Variants in ZNF69 observed in about 807,000 individuals in gnomAD.
The protein encoded by ZNF69 is zinc finger protein 69, also known as ZNF3.
Under a neutral mutation model 50.9 loss-of-function variants are expected in ZNF69, and 47 were observed. That is an observed-to-expected ratio of 0.92 (90% confidence interval 0.73 to 1.18). The LOEUF (loss-of-function observed/expected upper bound fraction) is 1.18. ZNF69 is among the 50% of genes most tolerant of loss of function. The probability of loss-of-function intolerance (pLI) is 0.00; values close to 1 mark genes in which losing one functional copy is unlikely to be tolerated. For missense variants in ZNF69, 717 were observed against 675.1 expected (o/e 1.06, Z -0.69); for synonymous variants, 216 against 223.1 (o/e 0.97, Z 0.29).
chr19:11,978,291 A>G, the ZNF69 span: 3 of 1,614,188 alleles, frequency 1.9e-6, no homozygotes, highest in East Asian at 2.2e-5. Context: ...ATCTTTTAAT[A>G]TGAACATCAG....
At position 11,905,836 on chromosome 19, in the gene ZNF69, G is replaced by A. The variant is rs190294264; in HGVS notation, c.1439G>A (p.Cys480Tyr). The A allele has an allele frequency of 1.5e-4, 237 of 1,613,976 alleles. 1 individual carries two copies. The highest frequency in any genetic ancestry group is 1.7e-4 in the Non-Finnish European group (203 of 1,179,996). The change falls in exon 4 of 4, where the codon TGT (cysteine) becomes TAT (tyrosine). Residue 480 changes from cysteine (C) to tyrosine (Y), a missense_variant. Cys to Tyr is a radical substitution (Grantham distance 194). Transcript: ENST00000429654. ...RIHSGERPYK[C>Y]KLCGKGFYCP... ...CACTCTGGAGAAAGACCTTATAAAT[G>A]TAAGCTATGTGGGAAAGGCTTTTAT...
intron 1 of ZNF69, among the ~76,000 whole-genome samples, chr19:11,892,480 C>T (rs1388601178): frequency 2.6e-5 from 4 of 151,906 alleles, no homozygotes; most frequent in Non-Finnish European, 4.4e-5. Flanking sequence ...AAGAGGGGCC[C>T]AGTGGGATGG....
the ZNF69 span, among the ~76,000 whole-genome samples, chr19:11,945,898 C>T: frequency 1.3e-4 from 20 of 152,188 alleles, no homozygotes; most frequent in Non-Finnish European, 8.8e-5. Context: ...CCCTATAGTA[C>T]AAGTGCAGGG....
the ZNF69 span, among the ~76,000 whole-genome samples, chr19:11,938,982 A>G: frequency 1.5e-4 from 23 of 152,268 alleles, no homozygotes; most frequent in African/African-American, 5.1e-4. Context: ...GCCAGTGATG[A>G]TGAGCATTTT....
rs1280377515 is a variant in ZNF69 at position 11,903,565 on chromosome 19, T to A, written c.64-8T>A. On this transcript the variant is annotated splice_region_variant and splice_polypyrimidine_tract_variant and intron_variant, in intron 1 of 3. Transcript: ENST00000429654. The stretch of plus-strand genomic sequence containing the variant: ...CCCATCCTCCTCTACACATGTGAGA[T>A]GTTTCAGGACCCAGTGGCCTTTGAT... The A allele has an allele frequency of 2.9e-5, 46 of 1,613,830 alleles. No homozygotes were observed. The Admixed American group carries it at 7.7e-4, about 27-fold the overall frequency.
At chr19:11,965,831 A>G in the ZNF69 span, among the ~76,000 whole-genome samples, 1 of 152,184 alleles carries the variant, frequency 6.6e-6, no homozygotes, top group Non-Finnish European at 1.5e-5. Context: ...GGTTTTATTC[A>G]TTTCAGAGAG....
the ZNF69 span, among the ~76,000 whole-genome samples, chr19:11,959,889 A>T: frequency 2.0e-5 from 3 of 151,980 alleles, no homozygotes; most frequent in Non-Finnish European, 4.4e-5. Context: ...TTTGTTGCCC[A>T]TCTACTCTTA....
chr19:11,943,844 C>T, the ZNF69 span, among the ~76,000 whole-genome samples: 1 of 152,210 alleles, frequency 6.6e-6, no homozygotes. Context: ...TGAGTTTCCT[C>T]ATGCTTTGGC....
At chr19:11,935,081 C>G in the ZNF69 span, among the ~76,000 whole-genome samples, 3 of 140,632 alleles carry the variant, frequency 2.1e-5, no homozygotes, top group African/African-American at 8.8e-5. Flanking sequence ...GAGGCTGAGG[C>G]AGGAGAATGG....
chr19:11,975,108 T>C, the ZNF69 span, among the ~76,000 whole-genome samples: 1 of 152,020 alleles, frequency 6.6e-6, no homozygotes, highest in South Asian at 2.1e-4. Flanking sequence ...TTTTTTTTTT[T>C]TCTCGTTGAG....
At chr19:11,962,522 G>A in the ZNF69 span, among the ~76,000 whole-genome samples, 8 of 152,012 alleles carry the variant, frequency 5.3e-5, no homozygotes, top group Non-Finnish European at 8.8e-5. Flanking sequence ...CAACATGCCC[G>A]ACTGTTTTTA....
At chr19:11,901,985 T>C (rs1313854604) in intron 1 of ZNF69, among the ~76,000 whole-genome samples, 2 of 149,128 alleles carry the variant, frequency 1.3e-5, no homozygotes, top group Admixed American at 6.7e-5. Flanking sequence ...TTTCTTTTTT[T>C]TTTTTTTTTT....
At chr19:11,944,910 T>C in the ZNF69 span, among the ~76,000 whole-genome samples, 6 of 152,230 alleles carry the variant, frequency 3.9e-5, no homozygotes, top group Admixed American at 3.3e-4. Context: ...AGTATGACTG[T>C]GGCTCCCAGC....
the ZNF69 span, among the ~76,000 whole-genome samples, chr19:11,966,957 C>T: frequency 1.3e-5 from 2 of 152,162 alleles, no homozygotes; most frequent in Admixed American, 6.5e-5. Flanking sequence ...AAGAGGTCCT[C>T]ATCAGACCCC....
intron 1 of ZNF69, among the ~76,000 whole-genome samples, chr19:11,890,201 C>G (rs905878635): frequency 5.3e-5 from 8 of 152,284 alleles, no homozygotes; most frequent in Non-Finnish European, 8.8e-5. Flanking sequence ...GGGTGTCAGG[C>G]TGGGGGATGG....
At chr19:11,921,571 C>T in the ZNF69 span, among the ~76,000 whole-genome samples, 4 of 151,892 alleles carry the variant, frequency 2.6e-5, no homozygotes, top group Admixed American at 6.6e-5. Flanking sequence ...GGCATAATCT[C>T]GGCTCACTGC....
At chr19:11,925,099 G>C in the ZNF69 span, 1 of 1,264,484 alleles carries the variant, frequency 7.9e-7, no homozygotes, top group Admixed American at 2.0e-5. Flanking sequence ...AATGGAGGGG[G>C]TCGCTTTCCT....
the ZNF69 span, among the ~76,000 whole-genome samples, chr19:11,953,899 ATAT>A: frequency 6.7e-6 from 1 of 149,314 alleles, no homozygotes; most frequent in South Asian, 2.1e-4. Context: ...TAAGGTTTTA[ATAT>A]TACTCTGTGT....
At chr19:11,968,566 CT>C in the ZNF69 span, among the ~76,000 whole-genome samples, 5 of 152,254 alleles carry the variant, frequency 3.3e-5, no homozygotes, top group East Asian at 9.6e-4. Flanking sequence ...TAGTGGTTTG[CT>C]TTTTTCCCCC....
Sources: allele counts gnomAD v4.1 joint callset (sites outside exome capture counted in the v4.1 genomes callset), GRCh38; gene constraint gnomAD v4.1.1; transcripts MANE v1.5; gene names NCBI Gene and HGNC (gene_info 2026-07-23, HGNC 2026-07-21).